The following CACNA2D3 variants were observed in gnomAD, a reference collection of about 807,000 sequenced individuals.
CACNA2D3 encodes voltage-dependent calcium channel subunit alpha-2/delta-3.
A neutral mutation model predicts 160.6 loss-of-function variants in CACNA2D3; 60 were observed. The ratio of observed to expected loss-of-function variants is 0.37; its 90% CI spans 0.30 to 0.46. CACNA2D3 has a LOEUF of 0.46. CACNA2D3 is among the 20% of genes least tolerant of loss of function. The pLI is 1.00. For missense variants in CACNA2D3, 1,205 were observed against 1,365.0 expected (o/e 0.88, Z 1.85); for synonymous variants, 558 against 492.9 (o/e 1.13, Z -1.75).
intron 17 of CACNA2D3, among the ~76,000 whole-genome samples, chr3:54,870,680 G>T (rs1699505637): frequency 6.6e-6 from 1 of 152,144 alleles, no homozygotes. Flanking sequence ...CACTTCCCCA[G>T]TTATTCATGC....
At chr3:54,182,049 C>T (rs1201078812) in intron 2 of CACNA2D3, among the ~76,000 whole-genome samples, 1 of 152,106 alleles carries the variant, frequency 6.6e-6, no homozygotes, top group African/African-American at 2.4e-5. Flanking sequence ...AATGTATTTA[C>T]AGGCAACAAT....
At chr3:55,059,465 G>A (rs1452281853) in intron 35 of CACNA2D3, among the ~76,000 whole-genome samples, 1 of 152,160 alleles carries the variant, frequency 6.6e-6, no homozygotes, top group African/African-American at 2.4e-5. Flanking sequence ...TGTTCTGGCT[G>A]TGGCTGCTGC....
At chr3:54,509,672 A>G (rs571106921) in intron 5 of CACNA2D3, among the ~76,000 whole-genome samples, 110 of 152,296 alleles carry the variant, frequency 7.2e-4, no homozygotes, top group African/African-American at 2.5e-3. Context: ...AGGAACCCCT[A>G]TTCCAGCAAT....
At chr3:55,020,073 A>G (rs1306930957) in intron 35 of CACNA2D3, among the ~76,000 whole-genome samples, 2 of 152,078 alleles carry the variant, frequency 1.3e-5, no homozygotes, top group Non-Finnish European at 2.9e-5. Flanking sequence ...GTTATTGTTG[A>G]AATCTAAATT....
intron 2 of CACNA2D3, among the ~76,000 whole-genome samples, chr3:54,296,868 G>C (rs1465171356): frequency 6.6e-6 from 1 of 152,200 alleles, no homozygotes; most frequent in Non-Finnish European, 1.5e-5. Flanking sequence ...TAAAACGGGA[G>C]ATTAGTGGAC....
At chr3:54,742,169 A>G (rs1241616332) in intron 11 of CACNA2D3, among the ~76,000 whole-genome samples, 1 of 152,176 alleles carries the variant, frequency 6.6e-6, no homozygotes, top group Admixed American at 6.5e-5. Flanking sequence ...CTATAATCCC[A>G]GCACTTTGGG....
At chr3:54,883,151 G>A (rs1039834292) in intron 21 of CACNA2D3, among the ~76,000 whole-genome samples, 1 of 152,062 alleles carries the variant, frequency 6.6e-6, no homozygotes, top group Non-Finnish European at 1.5e-5. Flanking sequence ...AGCCTCCTGA[G>A]TAGCTGGGAT....
intron 11 of CACNA2D3, among the ~76,000 whole-genome samples, chr3:54,683,160 T>G (rs1324993694): frequency 2.6e-5 from 4 of 152,154 alleles, no homozygotes; most frequent in African/African-American, 9.7e-5. Context: ...AATGGAACAC[T>G]CAGCATCACA....
chr3:54,627,767 T>C lies in CACNA2D3; in HGVS notation c.964-20T>C, dbSNP rs1699154999. On this transcript the variant is annotated intron_variant, in intron 9 of 37. Coordinates refer to ENST00000474759, the MANE Select transcript of CACNA2D3 (RefSeq NM_018398.3). ...CATAACAGGACAGACACTAATGGAT[T>C]TTCTGCTTTGCTGTTTCAGCACTTC... The C allele has an allele frequency of 6.4e-7, 1 of 1,560,674 alleles. No homozygotes were observed. Among genetic ancestry groups the C allele is most frequent in the African/African-American group, 1.4e-5 (1 of 74,056 alleles).
At chr3:54,664,483 T>C (rs1456764168) in intron 11 of CACNA2D3, among the ~76,000 whole-genome samples, 1 of 152,160 alleles carries the variant, frequency 6.6e-6, no homozygotes, top group Non-Finnish European at 1.5e-5. Context: ...CACCGCCACC[T>C]CCCCCTTTCA....
intron 27 of CACNA2D3, chr3:54,918,742 C>T (rs1437308426): frequency 1.2e-6 from 2 of 1,614,176 alleles, no homozygotes; most frequent in Non-Finnish European, 1.7e-6. Context: ...CAGGACCACA[C>T]CGTGGGCAGA....
chr3:54,821,688 CT>C (rs1466312947), intron 14 of CACNA2D3, among the ~76,000 whole-genome samples: 42 of 129,540 alleles, frequency 3.2e-4, no homozygotes, highest in East Asian at 1.3e-3. Flanking sequence ...TTCTTTCTTT[CT>C]TTCTTTCTTT....
chr3:54,807,768 T>G (rs1315185073), intron 13 of CACNA2D3, among the ~76,000 whole-genome samples: 1 of 151,900 alleles, frequency 6.6e-6, no homozygotes, highest in Non-Finnish European at 1.5e-5. Flanking sequence ...ATGTTTATTG[T>G]GGCACTATTC....
At chr3:54,832,210 C>T (rs1240711334) in intron 14 of CACNA2D3, among the ~76,000 whole-genome samples, 2 of 152,190 alleles carry the variant, frequency 1.3e-5, no homozygotes, top group African/African-American at 2.4e-5. Context: ...AGAAAAACAT[C>T]TCAGGTAGCC....
In CACNA2D3 at chr3:54,994,330, T is replaced by C. The variant is rs1397922647; in HGVS notation, c.2690+6577T>C. ...ATGGCTGCTCGCCTTTAATGCCGACTGCCCCGCTGATGTCTAATACTCAAC... is the reference window on the plus strand; with the variant it reads ...ATGGCTGCTCGCCTTTAATGCCGACCGCCCCGCTGATGTCTAATACTCAAC... On this transcript the variant is annotated intron_variant, in intron 31 of 37. Coordinates refer to ENST00000474759, the MANE Select transcript of CACNA2D3 (RefSeq NM_018398.3). Among the ~76,000 whole-genome samples, 3 of 152,220 alleles carry C rather than the reference T, an allele frequency of 2.0e-5. No individual in the cohort carries two copies. The East Asian group carries it at 5.8e-4, about 29-fold the overall frequency.
At chr3:54,808,092 T>G (rs971004836) in intron 13 of CACNA2D3, among the ~76,000 whole-genome samples, 14 of 146,342 alleles carry the variant, frequency 9.6e-5, no homozygotes, top group Non-Finnish European at 2.1e-4. Context: ...CATTAGGAGA[T>G]ATACCTAATG....
chr3:54,868,679 C>G (rs62254535), intron 17 of CACNA2D3, among the ~76,000 whole-genome samples: 15,083 of 151,970 alleles, frequency 0.099, 996 homozygotes, highest in Non-Finnish European at 0.15. Flanking sequence ...AGCTCCACAC[C>G]AAGCAGAGAC....
At chr3:54,233,669 G>A (rs981431690) in intron 2 of CACNA2D3, among the ~76,000 whole-genome samples, 3 of 152,178 alleles carry the variant, frequency 2.0e-5, no homozygotes, top group African/African-American at 4.8e-5. Flanking sequence ...AGGGAAATGA[G>A]CAATCTGAAC....
At chr3:54,439,095 AAGC>A (rs1239791721) in intron 4 of CACNA2D3, among the ~76,000 whole-genome samples, 11 of 152,110 alleles carry the variant, frequency 7.2e-5, no homozygotes, top group African/African-American at 2.7e-4. Context: ...GCAGCTGTAA[AAGC>A]AGCCTCACTG....
Sources: allele counts gnomAD v4.1 joint callset (sites outside exome capture counted in the v4.1 genomes callset), GRCh38; gene constraint gnomAD v4.1.1; transcripts MANE v1.5; gene names NCBI Gene and HGNC (gene_info 2026-07-23, HGNC 2026-07-21).